Variants in TENM1 observed in about 807,000 individuals in gnomAD.
The protein encoded by TENM1 is teneurin transmembrane protein 1.
In TENM1, 35 loss-of-function variants were observed where a neutral mutation model predicts 174.8. That is an observed-to-expected ratio of 0.20 (90% confidence interval 0.15 to 0.27). The LOEUF (loss-of-function observed/expected upper bound fraction) is 0.27. Ranked by LOEUF, TENM1 falls within the 10% of genes least tolerant of loss-of-function variation. TENM1 has a pLI of 1.00. For synonymous variants in TENM1, 781 were observed against 798.7 expected (o/e 0.98, Z 0.37); for missense variants, 1,633 against 2,130.1 (o/e 0.77, Z 4.59).
At chrX:125,183,816 C>T in the TENM1 span, among the ~76,000 whole-genome samples, 2 of 112,055 alleles carry the variant, frequency 1.8e-5, no homozygotes, top group African/African-American at 3.2e-5. Flanking sequence ...AACCACTTAA[C>T]AAGGAGCAAT....
chrX:124,481,885 T>C (rs2046853441), exon 22 of TENM1: 1 of 1,207,128 alleles, frequency 8.3e-7, no homozygotes, highest in Non-Finnish European at 1.1e-6. Flanking sequence ...TTGTAGACTT[T>C]GCGAGTATTG....
intron 4 of TENM1, among the ~76,000 whole-genome samples, chrX:124,715,609 CT>C (rs1216628710): frequency 8.4e-4 from 91 of 107,802 alleles, no homozygotes; most frequent in Middle Eastern, 4.7e-3. Flanking sequence ...CTTCTCTTTT[CT>C]TTTTTTTTCC....
At chrX:124,819,296 G>C (rs766779143) in intron 3 of TENM1, among the ~76,000 whole-genome samples, 6 of 111,510 alleles carry the variant, frequency 5.4e-5, no homozygotes, top group Non-Finnish European at 1.1e-4. Flanking sequence ...CTTAAAATAA[G>C]AGGAAGAACA....
the TENM1 span, among the ~76,000 whole-genome samples, chrX:125,031,600 C>A: frequency 8.9e-6 from 1 of 112,125 alleles, no homozygotes; most frequent in Non-Finnish European, 1.9e-5. Context: ...CAGAGATCAT[C>A]TCATCACCTA....
chrX:124,526,283 A>C (rs1169445912), intron 16 of TENM1, among the ~76,000 whole-genome samples: 2 of 112,075 alleles, frequency 1.8e-5, no homozygotes, highest in Non-Finnish European at 3.8e-5. Flanking sequence ...CCAGTCTTCT[A>C]GCCTGCCCGA....
At chrX:124,606,403 C>T (rs187102104) in intron 11 of TENM1, among the ~76,000 whole-genome samples, 1 of 111,199 alleles carries the variant, frequency 9.0e-6, no homozygotes, top group Admixed American at 9.6e-5. Context: ...CTAAGTGTTC[C>T]ATTTAGGACA....
intron 20 of TENM1, among the ~76,000 whole-genome samples, chrX:124,488,515 G>T (rs2046998456): frequency 8.9e-6 from 1 of 112,266 alleles, no homozygotes; most frequent in South Asian, 3.7e-4. Context: ...TCTCAAAAGG[G>T]TAGGTATCCT....
At chrX:125,060,429 G>A in the TENM1 span, among the ~76,000 whole-genome samples, 7 of 110,509 alleles carry the variant, frequency 6.3e-5, no homozygotes, top group African/African-American at 9.9e-5. Context: ...ATAATTTGTC[G>A]CAAAAGTTTT....
chrX:125,160,544 CAAAAAAAAAAA>C, the TENM1 span, among the ~76,000 whole-genome samples: 7 of 28,997 alleles, frequency 2.4e-4, no homozygotes, highest in South Asian at 6.3e-3. Context: ...GACCCCGTCT[CAAAAAAAAAAA>C]AAAAAAAAAA....
chrX:124,619,628 GA>G lies in TENM1; in HGVS notation c.2077+22162del, dbSNP rs781358991. Reference sequence around the variant, plus strand: ...TGTATTTTAAGTTTTGATAGGTACTGATAAAATATTGTACCAATTTATATAA... The same window carrying G: ...TGTATTTTAAGTTTTGATAGGTACTGTAAAATATTGTACCAATTTATATAA... On this transcript the variant is annotated intron_variant, in intron 11 of 31. Coordinates refer to ENST00000422452, the Ensembl canonical transcript of TENM1. 8.0e-5 allele frequency among the ~76,000 whole-genome samples: 9 copies of G among 111,972 alleles called. No homozygotes were observed. In the South Asian group the frequency reaches 3.3e-3, roughly 41 times the overall value.
chrX:125,107,415 A>T, the TENM1 span, among the ~76,000 whole-genome samples: 1 of 112,527 alleles, frequency 8.9e-6, no homozygotes, highest in African/African-American at 3.2e-5. Context: ...CAAGCCTAAG[A>T]ATATTTACTT....
chrX:124,501,525 C>A (rs1423559410), intron 19 of TENM1, among the ~76,000 whole-genome samples: 3 of 111,964 alleles, frequency 2.7e-5, no homozygotes, highest in Non-Finnish European at 3.8e-5. Flanking sequence ...GTCTTTTTAA[C>A]CAGTGAGAGG....
At chrX:124,640,293 G>A (rs1440960212) in intron 11 of TENM1, among the ~76,000 whole-genome samples, 1 of 111,285 alleles carries the variant, frequency 9.0e-6, no homozygotes, top group African/African-American at 3.3e-5. Context: ...GTGAAGTATT[G>A]TTAGAATTGC....
intron 8 of TENM1, among the ~76,000 whole-genome samples, chrX:124,650,395 ATGT>A (rs1569365679): frequency 1.8e-5 from 2 of 110,783 alleles, no homozygotes; most frequent in African/African-American, 3.3e-5. Flanking sequence ...AAGAGCAAAT[ATGT>A]TGTTGTATAT....
intron 3 of TENM1, among the ~76,000 whole-genome samples, chrX:124,744,433 C>T (rs759988811): frequency 5.4e-5 from 6 of 111,570 alleles, no homozygotes; most frequent in Admixed American, 9.5e-5. Flanking sequence ...CGTTAGTATA[C>T]GGTATTAGTT....
At chrX:124,519,103 T>C (rs1296559806) in intron 18 of TENM1, among the ~76,000 whole-genome samples, 1 of 111,641 alleles carries the variant, frequency 9.0e-6, no homozygotes, top group Admixed American at 9.5e-5. Context: ...GTCACCACTG[T>C]GGGAAGCAGT....
At chrX:124,716,685 G>A (rs771264224) in intron 4 of TENM1, among the ~76,000 whole-genome samples, 2 of 111,871 alleles carry the variant, frequency 1.8e-5, no homozygotes, top group Admixed American at 1.9e-4. Context: ...TTGAATGTAG[G>A]CCCCAAGGAG....
chrX:124,656,183 A>G (rs997050270), intron 6 of TENM1, among the ~76,000 whole-genome samples: 2 of 112,528 alleles, frequency 1.8e-5, no homozygotes, highest in East Asian at 2.8e-4. Context: ...ATTTTTTAAA[A>G]ATCTGAACAA....
chrX:124,466,315 A>C (rs2061240508), intron 22 of TENM1, among the ~76,000 whole-genome samples: 1 of 112,074 alleles, frequency 8.9e-6, no homozygotes, highest in African/African-American at 3.2e-5. Context: ...AGTAATTAAT[A>C]ACAGGCAGTG....
Sources: gnomAD v4.1 joint callset for allele counts (sites outside exome capture counted in the v4.1 genomes callset) on GRCh38, gnomAD v4.1.1 for gene constraint, MANE v1.5 for transcripts, NCBI Gene and HGNC (gene_info 2026-07-23, HGNC 2026-07-21) for gene names.